KCNIP4: variants seen among roughly 807,000 people sequenced by gnomAD.
KCNIP4 encodes the protein potassium voltage-gated channel interacting protein 4.
A neutral mutation model predicts 34.0 loss-of-function variants in KCNIP4; 12 were observed. The ratio of observed to expected loss-of-function variants is 0.35; its 90% CI spans 0.23 to 0.57. The LOEUF (loss-of-function observed/expected upper bound fraction) is 0.57. Among genes scored for constraint, KCNIP4 ranks in the 20% least tolerant of loss-of-function variants. The probability of loss-of-function intolerance (pLI) is 0.83; values close to 1 mark genes in which losing one functional copy is unlikely to be tolerated. For missense variants in KCNIP4, 238 were observed against 311.7 expected (o/e 0.76, Z 1.78); for synonymous variants, 124 against 102.2 (o/e 1.21, Z -1.29).
At chr4:21,413,685 C>T (rs1560381376) in intron 1 of KCNIP4, among the ~76,000 whole-genome samples, 1 of 152,210 alleles carries the variant, frequency 6.6e-6, no homozygotes, top group African/African-American at 2.4e-5. Flanking sequence ...GAGTGTTACA[C>T]ATTGCCCAGT....
intron 1 of KCNIP4, among the ~76,000 whole-genome samples, chr4:20,883,815 GTA>G (rs1334549820): frequency 1.3e-5 from 2 of 152,206 alleles, no homozygotes; most frequent in African/African-American, 4.8e-5. Context: ...ATGTGTGTGT[GTA>G]GAGTAGGATG....
intron 1 of KCNIP4, among the ~76,000 whole-genome samples, chr4:20,930,558 A>T (rs1288368895): frequency 2.0e-5 from 3 of 152,218 alleles, no homozygotes; most frequent in African/African-American, 7.2e-5. Flanking sequence ...GAATCAATCA[A>T]CCAAATAAAA....
At chr4:21,678,108 G>A (rs1750049489) in intron 1 of KCNIP4, among the ~76,000 whole-genome samples, 1 of 152,098 alleles carries the variant, frequency 6.6e-6, no homozygotes, top group Non-Finnish European at 1.5e-5. Flanking sequence ...ACTCTGTGAA[G>A]GGTCAGATGG....
intron 1 of KCNIP4, among the ~76,000 whole-genome samples, chr4:21,025,950 C>T (rs1282373882): frequency 2.0e-5 from 3 of 152,112 alleles, no homozygotes; most frequent in East Asian, 1.9e-4. Context: ...GTGATATAAA[C>T]GTAAACAAAA....
At chr4:21,449,710 A>G (rs1399496133) in intron 1 of KCNIP4, among the ~76,000 whole-genome samples, 1 of 151,844 alleles carries the variant, frequency 6.6e-6, no homozygotes, top group Non-Finnish European at 1.5e-5. Context: ...TATAAACTCC[A>G]TAAGTGCAGC....
intron 1 of KCNIP4, among the ~76,000 whole-genome samples, chr4:21,507,065 G>A (rs1023040593): frequency 3.0e-4 from 45 of 151,862 alleles, no homozygotes; most frequent in Non-Finnish European, 4.3e-4. Flanking sequence ...TATCATTACA[G>A]GTGTGAGCCA....
chr4:21,569,234 T>TAAAA (rs71191521), intron 1 of KCNIP4, among the ~76,000 whole-genome samples: 564 of 25,190 alleles, frequency 0.022, 92 homozygotes, highest in Middle Eastern at 0.042. Flanking sequence ...ACTGATATTC[T>TAAAA]AAAAAAAAAA....
At chr4:21,500,918 C>T (rs1031345717) in intron 1 of KCNIP4, among the ~76,000 whole-genome samples, 2 of 152,096 alleles carry the variant, frequency 1.3e-5, no homozygotes, top group African/African-American at 4.8e-5. Context: ...CTATGATGTA[C>T]ATCACAGCTT....
chr4:20,920,702 A>T (rs1374314352), intron 1 of KCNIP4, among the ~76,000 whole-genome samples: 1 of 152,146 alleles, frequency 6.6e-6, no homozygotes. Flanking sequence ...TAAAAAAGAT[A>T]AGCTTGGGGC....
rs552804083 is a variant in KCNIP4 at position 21,684,216 on chromosome 4, T to C, written c.61+264355A>G. Among the ~76,000 whole-genome samples, 4 of 152,318 alleles carry C rather than the reference T, an allele frequency of 2.6e-5. No homozygotes were observed. The South Asian group carries it at 8.3e-4, about 32-fold the overall frequency. On this transcript the variant is annotated intron_variant, in intron 1 of 8. Coordinates refer to ENST00000382152, the MANE Select transcript of KCNIP4 (RefSeq NM_025221.6). ...TTAAATGAAATAAAAGGAAGCAGCA[T>C]GTACCTGAATTCTTATGCGTTTTAG...
intron 1 of KCNIP4, among the ~76,000 whole-genome samples, chr4:21,295,910 T>C (rs537219388): frequency 1.6e-4 from 22 of 140,514 alleles, no homozygotes; most frequent in Admixed American, 1.3e-3. Flanking sequence ...TAGAGGCACA[T>C]GCAGTTAGTG....
At chr4:20,742,965 T>C (rs1383432429) in intron 5 of KCNIP4, among the ~76,000 whole-genome samples, 1 of 151,768 alleles carries the variant, frequency 6.6e-6, no homozygotes, top group African/African-American at 2.4e-5. Context: ...CCATTCACAA[T>C]TGCTTCAAAG....
At chr4:21,187,893 A>C (rs1755359031) in intron 1 of KCNIP4, among the ~76,000 whole-genome samples, 1 of 152,116 alleles carries the variant, frequency 6.6e-6, no homozygotes, top group Non-Finnish European at 1.5e-5. Flanking sequence ...AGGGCTGAAA[A>C]CTGTACCCTT....
At chr4:21,101,711 C>T (rs537806565) in intron 1 of KCNIP4, among the ~76,000 whole-genome samples, 3 of 152,140 alleles carry the variant, frequency 2.0e-5, no homozygotes, top group African/African-American at 7.2e-5. Context: ...AACACGTGAG[C>T]TTTATGGTAT....
chr4:21,346,245 T>TTATATATATATAATTCTA, intron 1 of KCNIP4, among the ~76,000 whole-genome samples: 1 of 103,452 alleles, frequency 9.7e-6, no homozygotes, highest in South Asian at 2.4e-4. Flanking sequence ...ATAATATATA[T>TTATATATATATAATTCTA]TATATATATA....
At chr4:21,773,169 A>C (rs564819071) in intron 1 of KCNIP4, among the ~76,000 whole-genome samples, 1 of 152,246 alleles carries the variant, frequency 6.6e-6, no homozygotes, top group African/African-American at 2.4e-5. Flanking sequence ...TAATTTCATT[A>C]TTTACCCAGG....
At chr4:20,944,064 A>G (rs1731930082) in intron 1 of KCNIP4, among the ~76,000 whole-genome samples, 2 of 152,234 alleles carry the variant, frequency 1.3e-5, no homozygotes, top group Admixed American at 1.3e-4. Flanking sequence ...TCTGTAAAGT[A>G]GAAATAATCA....
intron 1 of KCNIP4, among the ~76,000 whole-genome samples, chr4:21,366,817 G>C (rs187880612): frequency 5.9e-5 from 9 of 152,174 alleles, no homozygotes; most frequent in African/African-American, 2.2e-4. Flanking sequence ...AGGGGAGGGA[G>C]GGAGAGAGGT....
intron 1 of KCNIP4, among the ~76,000 whole-genome samples, chr4:21,573,057 C>T (rs1394434862): frequency 1.3e-5 from 2 of 152,068 alleles, no homozygotes; most frequent in Non-Finnish European, 2.9e-5. Flanking sequence ...TATTAGTGTC[C>T]ATCTCAGCTA....
Sources: gnomAD v4.1 joint callset for allele counts (sites outside exome capture counted in the v4.1 genomes callset) on GRCh38, gnomAD v4.1.1 for gene constraint, MANE v1.5 for transcripts, NCBI Gene and HGNC (gene_info 2026-07-23, HGNC 2026-07-21) for gene names.